LUZP2: variants seen among roughly 807,000 people sequenced by gnomAD.
LUZP2 encodes leucine zipper protein 2.
Under a neutral mutation model 51.6 loss-of-function variants are expected in LUZP2, and 52 were observed. That is an observed-to-expected ratio of 1.01 (90% CI 0.81 to 1.27). LUZP2 has a LOEUF of 1.27. LUZP2 is among the 50% of genes most tolerant of loss of function. The pLI is 0.00. For missense variants in LUZP2, 436 were observed against 395.4 expected (o/e 1.10, Z -0.87); for synonymous variants, 154 against 137.3 (o/e 1.12, Z -0.85).
At chr11:24,802,480 A>C (rs1287095058) in intron 5 of LUZP2, among the ~76,000 whole-genome samples, 2 of 151,900 alleles carry the variant, frequency 1.3e-5, no homozygotes, top group Non-Finnish European at 2.9e-5. Flanking sequence ...TAATTTAAAA[A>C]ATTTGCTGAA....
chr11:24,528,785 C>T (rs533631227), intron 1 of LUZP2, among the ~76,000 whole-genome samples: 1 of 151,312 alleles, frequency 6.6e-6, no homozygotes, highest in African/African-American at 2.4e-5. Flanking sequence ...GACAAACTAT[C>T]TTACAAGGCT....
At chr11:25,061,132 A>G (rs1322192816) in intron 10 of LUZP2, among the ~76,000 whole-genome samples, 2 of 152,154 alleles carry the variant, frequency 1.3e-5, no homozygotes, top group Non-Finnish European at 2.9e-5. Flanking sequence ...TCATTTGTAC[A>G]TGACTCCAAA....
At chr11:25,016,665 A>G (rs1313604404) in intron 9 of LUZP2, among the ~76,000 whole-genome samples, 2 of 151,904 alleles carry the variant, frequency 1.3e-5, no homozygotes, top group African/African-American at 2.4e-5. Flanking sequence ...TTCTTTATCC[A>G]CTTATCAGTT....
intron 10 of LUZP2, among the ~76,000 whole-genome samples, chr11:25,074,138 A>G (rs972529336): frequency 2.0e-5 from 3 of 152,146 alleles, no homozygotes; most frequent in African/African-American, 7.2e-5. Flanking sequence ...AGTTCTCTGG[A>G]ATTTTTGATA....
chr11:24,976,706 CAAAAAAAAAAA>C, intron 8 of LUZP2, 41 bp downstream of exon 8: 28 of 333,398 alleles, frequency 8.4e-5, no homozygotes, highest in South Asian at 3.5e-4. Context: ...GTAGTTTTAG[CAAAAAAAAAAA>C]AAAAAAAAAA....
chr11:24,532,430 TTCA>T (rs1851035588), intron 1 of LUZP2, among the ~76,000 whole-genome samples: 1 of 151,022 alleles, frequency 6.6e-6, no homozygotes, highest in Admixed American at 6.6e-5. Flanking sequence ...CTCTTAGGTT[TTCA>T]TCAAGATAAG....
At chr11:24,742,004 A>G (rs1310337901) in intron 4 of LUZP2, among the ~76,000 whole-genome samples, 4 of 125,348 alleles carry the variant, frequency 3.2e-5, no homozygotes, top group Non-Finnish European at 4.7e-5. Flanking sequence ...TGTATATATT[A>G]TATATAAATA....
In LUZP2 at chr11:24,993,025, A is replaced by G. The variant is rs1005041043; in HGVS notation, c.765+9732A>G. On this transcript the variant is annotated intron_variant, in intron 9 of 11. Coordinates refer to ENST00000336930, the MANE Select transcript of LUZP2 (RefSeq NM_001009909.4). ...AGAAAATTCTCTGCTTCACAACAAT[A>G]TTTTATTTATGTTTACAACAAATTG... 2.6e-5 allele frequency among the ~76,000 whole-genome samples: 4 copies of G among 152,272 alleles called. No individual in the cohort carries two copies. The East Asian group carries it at 5.8e-4, about 22-fold the overall frequency.
chr11:24,841,074 G>C (rs1316289563), intron 5 of LUZP2, among the ~76,000 whole-genome samples: 2 of 151,916 alleles, frequency 1.3e-5, no homozygotes, highest in East Asian at 3.9e-4. Flanking sequence ...TAGTGTTATA[G>C]ACTATATGTT....
intron 1 of LUZP2, among the ~76,000 whole-genome samples, chr11:24,687,223 T>G (rs1304449675): frequency 7.7e-6 from 1 of 130,548 alleles, no homozygotes; most frequent in Non-Finnish European, 1.6e-5. Context: ...TGATCATTGA[T>G]TTTTAAATGC....
intron 5 of LUZP2, among the ~76,000 whole-genome samples, chr11:24,852,303 G>A (rs769398544): frequency 1.3e-5 from 2 of 152,068 alleles, no homozygotes; most frequent in African/African-American, 2.4e-5. Flanking sequence ...CTGGTACATT[G>A]TGTCTTTGTT....
chr11:24,842,258 A>T (rs1300790122), intron 5 of LUZP2, among the ~76,000 whole-genome samples: 1 of 148,924 alleles, frequency 6.7e-6, no homozygotes, highest in Non-Finnish European at 1.5e-5. Flanking sequence ...ATTATAAGGA[A>T]TATGTTATAT....
chr11:24,823,782 G>A (rs1026981018), intron 5 of LUZP2, among the ~76,000 whole-genome samples: 6 of 152,200 alleles, frequency 3.9e-5, no homozygotes, highest in Middle Eastern at 3.4e-3. Context: ...TGAGTGGTAC[G>A]GCCAGGCATG....
At chr11:24,861,575 G>A (rs180859209) in intron 5 of LUZP2, among the ~76,000 whole-genome samples, 11 of 152,070 alleles carry the variant, frequency 7.2e-5, no homozygotes, top group African/African-American at 1.9e-4. Flanking sequence ...CCACACACCC[G>A]GGCTGAGCAA....
chr11:24,538,932 A>C (rs1270732733), intron 1 of LUZP2, among the ~76,000 whole-genome samples: 1 of 53,290 alleles, frequency 1.9e-5, no homozygotes, highest in Non-Finnish European at 3.9e-5. Flanking sequence ...TTAAAGAAAG[A>C]ACAATTTGAA....
At chr11:24,586,404 A>G (rs1246077271) in intron 1 of LUZP2, among the ~76,000 whole-genome samples, 2 of 152,004 alleles carry the variant, frequency 1.3e-5, no homozygotes, top group Non-Finnish European at 2.9e-5. Flanking sequence ...TCTTTCTACT[A>G]AGACACCTGA....
At chr11:24,943,440 C>T (rs1565140646) in intron 7 of LUZP2, among the ~76,000 whole-genome samples, 1 of 152,118 alleles carries the variant, frequency 6.6e-6, no homozygotes, top group Non-Finnish European at 1.5e-5. Flanking sequence ...CTCCTCTGTA[C>T]TGCCATAGCA....
intron 1 of LUZP2, among the ~76,000 whole-genome samples, chr11:24,590,660 G>A (rs1449240095): frequency 6.6e-6 from 1 of 152,080 alleles, no homozygotes; most frequent in Non-Finnish European, 1.5e-5. Flanking sequence ...TAAGTGTGTT[G>A]CCTTAATACT....
chr11:24,898,835 T>G (rs1178548159), intron 5 of LUZP2, among the ~76,000 whole-genome samples: 2 of 151,668 alleles, frequency 1.3e-5, no homozygotes, highest in Non-Finnish European at 2.9e-5. Flanking sequence ...CTGGAAAGAG[T>G]AGGTGGCAAA....
Sources: allele counts gnomAD v4.1 joint callset (sites outside exome capture counted in the v4.1 genomes callset), GRCh38; gene constraint gnomAD v4.1.1; transcripts MANE v1.5; gene names NCBI Gene and HGNC (gene_info 2026-07-23, HGNC 2026-07-21).